FILIP1: variants seen among roughly 807,000 people sequenced by gnomAD.
The protein encoded by FILIP1 is filamin A interacting protein 1.
A neutral mutation model predicts 102.1 loss-of-function variants in FILIP1; 61 were observed. The observed-to-expected ratio is 0.60, with a 90% confidence interval of 0.49 to 0.74. The LOEUF is 0.74. Ranked by LOEUF, FILIP1 falls within the 30% of genes least tolerant of loss-of-function variation. The pLI is 0.00. For synonymous variants in FILIP1, 491 were observed against 526.9 expected, an observed-to-expected ratio of 0.93 and a Z score of 0.93; for missense variants, 1,314 against 1,441.2, an observed-to-expected ratio of 0.91 and a Z score of 1.43.
At chr6:75,488,302 A>G (rs1349289238) in intron 1 of FILIP1, among the ~76,000 whole-genome samples, 1 of 152,074 alleles carries the variant, frequency 6.6e-6, no homozygotes, top group Non-Finnish European at 1.5e-5. Context: ...TTCATGTATG[A>G]CTTTCCTTAT....
rs1237848127 is a variant in FILIP1 at position 75,308,480 on chromosome 6, T to C, written c.*211A>G. On this transcript the variant is annotated 3_prime_UTR_variant, in exon 6 of 6. Coordinates refer to ENST00000237172, the MANE Select transcript of FILIP1 (RefSeq NM_015687.5). ...GAACTAGAAACCACGCCCTGGCTTC[T>C]AGGCAGCAAGCAATAGTTTTGCTAA... 1.1e-5 allele frequency: 15 copies of C among 1,390,288 alleles called. No homozygotes were observed. Among genetic ancestry groups the C allele is most frequent in the Non-Finnish European group, 1.1e-5 (12 of 1,072,866 alleles). 86.1% of individuals were successfully genotyped at this position (1,390,288 alleles called of 1,614,324 possible).
At chr6:75,436,476 T>C (rs1778026246) in intron 1 of FILIP1, among the ~76,000 whole-genome samples, 1 of 152,122 alleles carries the variant, frequency 6.6e-6, no homozygotes, top group South Asian at 2.1e-4. Context: ...ACAGGAGATC[T>C]AGTGGGAACA....
chr6:75,389,216 G>A (rs1018878656), intron 2 of FILIP1, among the ~76,000 whole-genome samples: 1 of 152,236 alleles, frequency 6.6e-6, no homozygotes, highest in Non-Finnish European at 1.5e-5. Flanking sequence ...TCCCAGGGAT[G>A]AAGCTGACTT....
chr6:75,367,204 A>G (rs1775367169), intron 2 of FILIP1: 2 of 152,218 alleles, frequency 1.3e-5, no homozygotes, highest in African/African-American at 4.8e-5. Context: ...CATATACTAA[A>G]TATTTCATCT....
chr6:75,371,014 T>C (rs1775501256), intron 2 of FILIP1, among the ~76,000 whole-genome samples: 1 of 152,202 alleles, frequency 6.6e-6, no homozygotes, highest in Non-Finnish European at 1.5e-5. Flanking sequence ...ACTATTTACC[T>C]GAGTTGGATA....
rs529204411 is a variant in FILIP1, at chr6:75,452,633, T to C, written c.-6-37655A>G. Among the ~76,000 whole-genome samples, 8 of 152,316 alleles carry C rather than the reference T, an allele frequency of 5.3e-5. No homozygotes were observed. The South Asian group carries it at 1.2e-3, about 24-fold the overall frequency. On this transcript the variant is annotated intron_variant, in intron 1 of 5. Coordinates refer to ENST00000237172, the MANE Select transcript of FILIP1 (RefSeq NM_015687.5). Reference sequence around the variant, plus strand: ...TCAAATAAGTTATGGTTTATTCACGTTATAGGAAATTACACAGAAGATAAG... The same window carrying C: ...TCAAATAAGTTATGGTTTATTCACGCTATAGGAAATTACACAGAAGATAAG...
intron 1 of FILIP1, among the ~76,000 whole-genome samples, chr6:75,470,389 T>C (rs139614673): frequency 1.3e-5 from 2 of 152,162 alleles, no homozygotes; most frequent in Non-Finnish European, 2.9e-5. Context: ...ATAGAAAGTA[T>C]AGTCAATAAG....
At chr6:75,450,612 C>T (rs972711997) in intron 1 of FILIP1, among the ~76,000 whole-genome samples, 1 of 150,624 alleles carries the variant, frequency 6.6e-6, no homozygotes. Flanking sequence ...ACACTGCACT[C>T]CAGCCTGGGG....
chr6:75,375,162 G>A (rs150492567), intron 2 of FILIP1, among the ~76,000 whole-genome samples: 1 of 152,364 alleles, frequency 6.6e-6, no homozygotes, highest in African/African-American at 2.4e-5. Context: ...ATCGGCCCTT[G>A]CCTGAGTCCT....
At chr6:75,323,412 C>T (rs888214959) in intron 4 of FILIP1, among the ~76,000 whole-genome samples, 7 of 152,004 alleles carry the variant, frequency 4.6e-5, no homozygotes, top group Admixed American at 1.3e-4. Flanking sequence ...GAAAGTGTTC[C>T]GAGATGTCAG....
chr6:75,360,905 T>A (rs1349755088), intron 3 of FILIP1: 1 of 152,200 alleles, frequency 6.6e-6, no homozygotes, highest in Non-Finnish European at 1.5e-5. Context: ...GGAAGCAGGA[T>A]TCTGCTCCTA....
At chr6:75,351,260 A>C (rs1293668322) in intron 4 of FILIP1, among the ~76,000 whole-genome samples, 1 of 152,110 alleles carries the variant, frequency 6.6e-6, no homozygotes, top group African/African-American at 2.4e-5. Context: ...GACAGGTTTC[A>C]CCATGTTGGC....
chr6:75,405,099 C>T (rs1411856230), intron 2 of FILIP1, among the ~76,000 whole-genome samples: 3 of 152,172 alleles, frequency 2.0e-5, no homozygotes, highest in Non-Finnish European at 4.4e-5. Context: ...CCCATTAGAA[C>T]ACATGGGGAG....
intron 3 of FILIP1, among the ~76,000 whole-genome samples, chr6:75,358,842 C>A (rs557063240): frequency 2.0e-5 from 3 of 151,648 alleles, no homozygotes; most frequent in South Asian, 4.2e-4. Context: ...CCTGCCTCAG[C>A]CTCCCGAGTA....
chr6:75,314,148 C>G lies in FILIP1; in HGVS notation c.1684G>C (p.Glu562Gln), dbSNP rs751237610. The change falls in exon 5 of 6, where the codon GAG becomes CAG. Residue 562 changes from glutamate (E) to glutamine (Q), a missense_variant. Physicochemically the swap from Glu to Gln is conservative, Grantham distance 29. Coordinates refer to ENST00000237172, the MANE Select transcript of FILIP1 (RefSeq NM_015687.5). ...KKLLKLKSEM[E>Q]EKVYNLTRER... The stretch of plus-strand genomic sequence containing the variant: ...CTTGTCAAGTTGTATACTTTTTCCT[C>G]CATTTCAGATTTTAGTTTTAAAAGT... 11 of 1,527,206 alleles carry G rather than the reference C, an allele frequency of 7.2e-6. No individual in the cohort carries two copies. In the African/African-American group the frequency reaches 1.3e-4, roughly 18 times the overall value. The allele number at this position is 1,527,206 out of a possible 1,614,324, so 94.6% of individuals were successfully genotyped here. A position where few individuals can be genotyped will look rare whatever the true frequency, so the allele number is the denominator to read the frequency against.
At chr6:75,477,834 C>T (rs149810938) in intron 1 of FILIP1, among the ~76,000 whole-genome samples, 136 of 152,136 alleles carry the variant, frequency 8.9e-4, no homozygotes, top group Middle Eastern at 6.8e-3. Flanking sequence ...TAATAGGAAA[C>T]AAGGATATGA....
At chr6:75,399,898 A>G (rs1776594980) in intron 2 of FILIP1, among the ~76,000 whole-genome samples, 1 of 152,190 alleles carries the variant, frequency 6.6e-6, no homozygotes, top group African/African-American at 2.4e-5. Flanking sequence ...ATAATGCACC[A>G]TCTATCTCTT....
intron 1 of FILIP1, among the ~76,000 whole-genome samples, chr6:75,440,450 C>T (rs1461655533): frequency 6.6e-6 from 1 of 152,086 alleles, no homozygotes; most frequent in Non-Finnish European, 1.5e-5. Context: ...AAGGGCTTAT[C>T]GAAGACATTA....
intron 1 of FILIP1, among the ~76,000 whole-genome samples, chr6:75,485,658 A>T (rs1024203346): frequency 3.3e-5 from 5 of 152,150 alleles, no homozygotes; most frequent in Admixed American, 1.3e-4. Flanking sequence ...CCAGAAATGC[A>T]AATAGAAACT....
Sources: gnomAD v4.1 joint callset for allele counts (sites outside exome capture counted in the v4.1 genomes callset) on GRCh38, gnomAD v4.1.1 for gene constraint, MANE v1.5 for transcripts, NCBI Gene and HGNC (gene_info 2026-07-23, HGNC 2026-07-21) for gene names.